Variants in RIMS2 observed in about 807,000 individuals in gnomAD.
RIMS2 encodes the protein regulating synaptic membrane exocytosis 2.
RIMS2 carries 59 observed loss-of-function variants against 174.4 expected under a neutral mutation model. The ratio of observed to expected loss-of-function variants is 0.34; its 90% CI spans 0.27 to 0.42. The LOEUF is 0.42. RIMS2 is among the 10% of genes least tolerant of loss of function. The pLI, the probability that RIMS2 is intolerant of heterozygous loss-of-function variation, is 1.00. For synonymous variants in RIMS2, 606 were observed against 572.5 expected (o/e 1.06, Z -0.84); for missense variants, 1,620 against 1,666.3 (o/e 0.97, Z 0.48).
At chr8:103,942,976 T>C (rs1565448062) in intron 14 of RIMS2, 50 bp downstream of exon 16, 2 of 1,398,686 alleles carry the variant, frequency 1.4e-6, no homozygotes, top group Non-Finnish European at 2.0e-6. Flanking sequence ...TTCCTAATCT[T>C]GAGTGATGTA....
At chr8:103,607,383 A>T (rs1277760224) in intron 1 of RIMS2, among the ~76,000 whole-genome samples, 1 of 151,842 alleles carries the variant, frequency 6.6e-6, no homozygotes. Context: ...TGTTAGTCTG[A>T]TGGGCTTCCC....
intron 19 of RIMS2, among the ~76,000 whole-genome samples, chr8:104,138,136 A>G (rs1416037533): frequency 6.6e-6 from 1 of 152,142 alleles, no homozygotes; most frequent in Non-Finnish European, 1.5e-5. Flanking sequence ...ATTCTTTTAT[A>G]TGGCTGAATA....
chr8:104,097,400 GCA>G lies in RIMS2; in HGVS notation c.3334+82788_3334+82789del, dbSNP rs2097781390. Among the ~76,000 whole-genome samples the G allele has an allele frequency of 3.9e-5, 6 of 152,258 alleles. No individual in the cohort carries two copies. The South Asian group carries it at 1.2e-3, about 32-fold the overall frequency. On this transcript the variant is annotated intron_variant, in intron 19 of 23. Transcript: ENST00000504942. The stretch of plus-strand genomic sequence containing the variant: ...AGACATCTGTCTCAGTCACTCATGT[GCA>G]CAGTCTGTGGTTGTTTGGCATCATA...
chr8:104,164,026 C>T (rs968495736), intron 19 of RIMS2, among the ~76,000 whole-genome samples: 6 of 152,102 alleles, frequency 3.9e-5, no homozygotes, highest in Admixed American at 6.5e-5. Flanking sequence ...CAGCCAAATC[C>T]TCCTTTCCAA....
intron 17 of RIMS2, among the ~76,000 whole-genome samples, chr8:104,011,386 A>G (rs2095757189): frequency 6.6e-6 from 1 of 152,038 alleles, no homozygotes; most frequent in Non-Finnish European, 1.5e-5. Context: ...ATTTACGGAG[A>G]AAAATATATA....
intron 9 of RIMS2, chr8:103,920,715 C>T (rs535547371): frequency 2.4e-5 from 11 of 456,748 alleles, no homozygotes; most frequent in Non-Finnish European, 4.4e-5. Context: ...CCTGGCCTAG[C>T]GTGGTGGCTC....
chr8:104,146,558 C>T (rs1224978557), intron 19 of RIMS2, among the ~76,000 whole-genome samples: 1 of 152,100 alleles, frequency 6.6e-6, no homozygotes, highest in Non-Finnish European at 1.5e-5. Flanking sequence ...TGATTTTGGT[C>T]AAGTTCTTTA....
chr8:103,934,210 G>A, intron 12 of RIMS2, among the ~76,000 whole-genome samples: 1 of 151,938 alleles, frequency 6.6e-6, no homozygotes, highest in Admixed American at 6.6e-5. Flanking sequence ...AAAAGGATTA[G>A]GTTGGATTTT....
chr8:103,710,400 A>T (rs1164689289), intron 2 of RIMS2, among the ~76,000 whole-genome samples: 2 of 152,306 alleles, frequency 1.3e-5, no homozygotes, highest in South Asian at 4.1e-4. Context: ...AGGGCAGGAC[A>T]TATGGAAGTA....
At chr8:103,774,488 T>G (rs1314386181) in intron 3 of RIMS2, among the ~76,000 whole-genome samples, 1 of 152,168 alleles carries the variant, frequency 6.6e-6, no homozygotes, top group Admixed American at 6.5e-5. Flanking sequence ...TTCAAATAAG[T>G]GTATTACTTA....
intron 1 of RIMS2, among the ~76,000 whole-genome samples, chr8:103,627,337 G>A (rs895189400): frequency 1.3e-5 from 2 of 152,110 alleles, no homozygotes; most frequent in Non-Finnish European, 2.9e-5. Context: ...CTGTTATTCT[G>A]TTCTTTTTCA....
chr8:103,881,280 A>G (rs983259061), intron 3 of RIMS2, among the ~76,000 whole-genome samples: 5 of 151,510 alleles, frequency 3.3e-5, no homozygotes, highest in Non-Finnish European at 5.9e-5. Context: ...GTAGGTTTCC[A>G]TGTAATTTTT....
intron 3 of RIMS2, among the ~76,000 whole-genome samples, chr8:103,787,595 T>A (rs1479833348): frequency 6.6e-6 from 1 of 152,232 alleles, no homozygotes; most frequent in Non-Finnish European, 1.5e-5. Context: ...TGTTGAATAT[T>A]GGCCCCTACT....
At chr8:104,192,384 G>A (rs986581822) in intron 19 of RIMS2, among the ~76,000 whole-genome samples, 7 of 152,108 alleles carry the variant, frequency 4.6e-5, no homozygotes, top group African/African-American at 1.7e-4. Context: ...TTAAAAAAAA[G>A]CATAACAATC....
chr8:103,868,848 T>G (rs1369892620), intron 3 of RIMS2, among the ~76,000 whole-genome samples: 10 of 152,140 alleles, frequency 6.6e-5, no homozygotes, highest in African/African-American at 1.9e-4. Flanking sequence ...AATGTAGTCC[T>G]ATAGTGGTAT....
chr8:103,800,392 G>A (rs892818844), intron 3 of RIMS2, among the ~76,000 whole-genome samples: 6 of 152,050 alleles, frequency 3.9e-5, no homozygotes, highest in African/African-American at 9.7e-5. Context: ...TGAGAGTAAC[G>A]TCTTTGCCTT....
At chr8:104,033,946 A>T (rs1248057501) in intron 19 of RIMS2, among the ~76,000 whole-genome samples, 1 of 152,140 alleles carries the variant, frequency 6.6e-6, no homozygotes, top group Non-Finnish European at 1.5e-5. Flanking sequence ...TCTTATGTTT[A>T]AGTGCATTTA....
At chr8:103,519,137 C>T (rs1179871651) in intron 1 of RIMS2, among the ~76,000 whole-genome samples, 2 of 151,946 alleles carry the variant, frequency 1.3e-5, no homozygotes, top group African/African-American at 2.4e-5. Flanking sequence ...AAAGGGGACC[C>T]TTTCATAAGG....
intron 19 of RIMS2, among the ~76,000 whole-genome samples, chr8:104,022,480 C>G (rs1597285907): frequency 6.6e-6 from 1 of 152,080 alleles, no homozygotes; most frequent in African/African-American, 2.4e-5. Flanking sequence ...CCTCCCGGCT[C>G]AAGGGATTCT....
Sources: allele counts gnomAD v4.1 joint callset (sites outside exome capture counted in the v4.1 genomes callset), GRCh38; gene constraint gnomAD v4.1.1; transcripts MANE v1.5; gene names NCBI Gene and HGNC (gene_info 2026-07-23, HGNC 2026-07-21).